The following STK33 variants were observed in gnomAD, a reference collection of about 807,000 sequenced individuals.
STK33 encodes the protein serine/threonine-protein kinase 33.
Under a neutral mutation model 58.0 loss-of-function variants are expected in STK33, and 52 were observed. The observed-to-expected ratio is 0.90, with a 90% confidence interval of 0.72 to 1.13. The LOEUF is 1.13. STK33 is among the 50% of genes most tolerant of loss of function. STK33 has a pLI of 0.00. For missense variants in STK33, 630 were observed against 604.2 expected (o/e 1.04, Z -0.45); for synonymous variants, 215 against 200.1 (o/e 1.07, Z -0.63).
intron 11 of STK33, among the ~76,000 whole-genome samples, chr11:8,445,535 T>C (rs780056970): frequency 4.6e-5 from 7 of 152,220 alleles, no homozygotes; most frequent in Non-Finnish European, 5.9e-5. Flanking sequence ...ATAGCTCTTA[T>C]TATTTTGAGA....
Position 8,487,241 on chromosome 11 carries a change from T to C in STK33, c.-465-6627A>G, listed in dbSNP as rs1225310630. 3.3e-5 allele frequency among the ~76,000 whole-genome samples: 5 copies of C among 152,028 alleles called. No individual in the cohort carries two copies. In the Middle Eastern group the frequency reaches 0.01, roughly 310 times the overall value. On this transcript the variant is annotated intron_variant, in intron 1 of 15. Transcript: ENST00000687296. Reference sequence around the variant, plus strand: ...GAGTTTGAGACCAGTCAGGGCACTATGGCAAGACCCCGTCTCTACAAAAAG... The same window carrying C: ...GAGTTTGAGACCAGTCAGGGCACTACGGCAAGACCCCGTCTCTACAAAAAG...
the STK33 span, among the ~76,000 whole-genome samples, chr11:8,368,437 A>T: frequency 1.3e-5 from 2 of 151,920 alleles, no homozygotes; most frequent in Non-Finnish European, 2.9e-5. Flanking sequence ...GGCCCTGGCT[A>T]CCCCCTCACC....
the STK33 span, among the ~76,000 whole-genome samples, chr11:8,364,465 C>T: frequency 6.6e-6 from 1 of 152,186 alleles, no homozygotes; most frequent in Non-Finnish European, 1.5e-5. Flanking sequence ...CAATCACCAA[C>T]GGCCTTAGAA....
intron 1 of STK33, among the ~76,000 whole-genome samples, chr11:8,515,286 T>G (rs1952675830): frequency 6.6e-6 from 1 of 152,110 alleles, no homozygotes; most frequent in Admixed American, 6.5e-5. Flanking sequence ...TACGAACAAT[T>G]ATACGCCAAC....
chr11:8,401,222 A>T lies in STK33; in HGVS notation c.1345-8512T>A, dbSNP rs868568069. ...CACGCTACCTGACTTCAAACTATAC[A>T]ACAAGGCTACAGTAACCAAAACAGC... On this transcript the variant is annotated intron_variant, in intron 15 of 15. Coordinates refer to ENST00000687296, the MANE Select transcript of STK33 (RefSeq NM_001352389.2). 2.9e-3 allele frequency among the ~76,000 whole-genome samples: 435 copies of T among 152,128 alleles called. 1 individual carries two copies. The highest frequency in any genetic ancestry group is 4.9e-3 in the Non-Finnish European group (330 of 67,954).
the STK33 span, among the ~76,000 whole-genome samples, chr11:8,342,546 G>A: frequency 1.3e-5 from 2 of 152,216 alleles, no homozygotes; most frequent in Non-Finnish European, 2.9e-5. Context: ...TCCCCTTGAA[G>A]GAACTCAAGA....
intron 1 of STK33, among the ~76,000 whole-genome samples, chr11:8,522,848 G>A (rs1591613543): frequency 6.6e-6 from 1 of 152,148 alleles, no homozygotes; most frequent in Non-Finnish European, 1.5e-5. Context: ...CCCAGCCGAG[G>A]CTGGACTGTA....
intron 1 of STK33, among the ~76,000 whole-genome samples, chr11:8,515,863 T>C (rs774493166): frequency 1.3e-5 from 2 of 152,090 alleles, no homozygotes; most frequent in Non-Finnish European, 2.9e-5. Context: ...AGACCATATA[T>C]GAAAAGCCCA....
the STK33 span, among the ~76,000 whole-genome samples, chr11:8,344,670 T>C: frequency 6.6e-6 from 1 of 152,226 alleles, no homozygotes; most frequent in African/African-American, 2.4e-5. Context: ...TTTATATCCA[T>C]AGGTTTAGGT....
rs985425564 is a variant in STK33 at position 8,421,867 on chromosome 11, T to C, written c.1147-8175A>G. Among the ~76,000 whole-genome samples, 8 of 152,188 alleles carry C rather than the reference T, an allele frequency of 5.3e-5. 1 individual carries two copies. In the South Asian group the frequency reaches 1.7e-3, roughly 31 times the overall value. ...GTCTTCATTTTTATTACATTTTCTA[T>C]TGTTAGTTGCTAATGAGTAGAAGTG... On this transcript the variant is annotated intron_variant, in intron 14 of 15. Transcript: ENST00000687296.
chr11:8,509,094 C>A (rs1186446646), intron 1 of STK33, among the ~76,000 whole-genome samples: 2 of 95,702 alleles, frequency 2.1e-5, no homozygotes, highest in Non-Finnish European at 1.9e-5. Flanking sequence ...CCAGCCTGGG[C>A]AACAAGAGCA....
intron 1 of STK33, among the ~76,000 whole-genome samples, chr11:8,590,369 T>C (rs1242824690): frequency 2.0e-5 from 3 of 152,208 alleles, no homozygotes; most frequent in Non-Finnish European, 4.4e-5. Flanking sequence ...ACCCCATAAA[T>C]ATTTATTGAA....
chr11:8,452,766 C>T, intron 11 of STK33, 56 bp downstream of exon 11: 1 of 1,502,810 alleles, frequency 6.7e-7, no homozygotes, highest in Non-Finnish European at 9.2e-7. Context: ...CCAGCCTGGG[C>T]AACAGAGGAT....
chr11:8,557,561 C>T (rs1229755433), intron 1 of STK33, among the ~76,000 whole-genome samples: 1 of 151,984 alleles, frequency 6.6e-6, no homozygotes, highest in Non-Finnish European at 1.5e-5. Context: ...CCTAGTGCAA[C>T]TACTAAGTGA....
At chr11:8,564,870 C>A (rs908245830) in intron 1 of STK33, among the ~76,000 whole-genome samples, 1 of 152,126 alleles carries the variant, frequency 6.6e-6, no homozygotes, top group Non-Finnish European at 1.5e-5. Context: ...TGTCCTCATC[C>A]CTTCAAAAAC....
Position 8,406,461 on chromosome 11 carries a change from G to A in STK33, c.1344+7034C>T, listed in dbSNP as rs948957139. Among the ~76,000 whole-genome samples the A allele has an allele frequency of 2.0e-5, 3 of 152,270 alleles. No individual in the cohort carries two copies. In the East Asian group the frequency reaches 5.8e-4, roughly 29 times the overall value. The stretch of plus-strand genomic sequence containing the variant: ...GTTTAAACATGTAAGTTAATTTGGG[G>A]AGAACTGACATCTTAATAGTACCAA... On this transcript the variant is annotated intron_variant, in intron 15 of 15. Transcript: ENST00000687296.
intron 15 of STK33, among the ~76,000 whole-genome samples, chr11:8,396,804 C>T (rs1327494759): frequency 6.6e-6 from 1 of 152,214 alleles, no homozygotes; most frequent in African/African-American, 2.4e-5. Flanking sequence ...AACAGCACAC[C>T]AGGAGATTAT....
chr11:8,507,625 T>TG (rs567324692), intron 1 of STK33, among the ~76,000 whole-genome samples: 12 of 152,068 alleles, frequency 7.9e-5, no homozygotes, highest in Middle Eastern at 3.4e-3. Context: ...ATAAGGGGGA[T>TG]GGGGGGGTAC....
chr11:8,531,202 C>T (rs907460223), intron 1 of STK33, among the ~76,000 whole-genome samples: 2 of 152,002 alleles, frequency 1.3e-5, no homozygotes, highest in African/African-American at 4.8e-5. Flanking sequence ...TAAATACCCC[C>T]CAACTTCGCT....
Sources: allele counts gnomAD v4.1 joint callset (sites outside exome capture counted in the v4.1 genomes callset), GRCh38; gene constraint gnomAD v4.1.1; transcripts MANE v1.5; gene names NCBI Gene and HGNC (gene_info 2026-07-23, HGNC 2026-07-21).